The following ROBO1 variants were observed in gnomAD, a reference collection of about 807,000 sequenced individuals.
ROBO1 encodes roundabout guidance receptor 1, also known as roundabout homolog 1.
ROBO1 carries 149 observed loss-of-function variants against 195.9 expected under a neutral mutation model. The ratio of observed to expected loss-of-function variants is 0.76; its 90% CI spans 0.67 to 0.87. The LOEUF (loss-of-function observed/expected upper bound fraction) is 0.87. Ranked by LOEUF, ROBO1 falls within the 40% of genes least tolerant of loss-of-function variation. ROBO1 has a pLI of 0.00. For synonymous variants in ROBO1, 816 were observed against 733.2 expected, an observed-to-expected ratio of 1.11 and a Z score of -1.82; for missense variants, 1,933 against 2,068.3, an observed-to-expected ratio of 0.93 and a Z score of 1.27.
At chr3:79,011,689 T>C (rs999174750) in intron 3 of ROBO1, among the ~76,000 whole-genome samples, 5 of 148,938 alleles carry the variant, frequency 3.4e-5, no homozygotes, top group African/African-American at 1.2e-4. Flanking sequence ...ATATATATGT[T>C]TTTCATAATA....
At chr3:78,998,105 A>T (rs2077411183) in intron 3 of ROBO1, among the ~76,000 whole-genome samples, 1 of 152,290 alleles carries the variant, frequency 6.6e-6, no homozygotes, top group East Asian at 1.9e-4. Flanking sequence ...CACCTACTCC[A>T]TACCCCATGG....
At chr3:79,635,301 T>C (rs1945464633) in intron 1 of ROBO1, among the ~76,000 whole-genome samples, 1 of 152,198 alleles carries the variant, frequency 6.6e-6, no homozygotes, top group African/African-American at 2.4e-5. Flanking sequence ...TTCACAAATC[T>C]GGAAAGAAGC....
intron 23 of ROBO1, among the ~76,000 whole-genome samples, chr3:78,635,247 T>C (rs921393227): frequency 1.3e-5 from 2 of 152,164 alleles, no homozygotes; most frequent in African/African-American, 4.8e-5. Context: ...ACCAAGGAAA[T>C]TTAGGTTCTA....
chr3:79,365,635 A>C (rs887188071), intron 2 of ROBO1, among the ~76,000 whole-genome samples: 8 of 152,194 alleles, frequency 5.3e-5, no homozygotes, highest in Admixed American at 2.0e-4. Flanking sequence ...CGGTGGCTTA[A>C]GCCTGTAATC....
At chr3:78,933,295 G>A (rs1560015399) in intron 4 of ROBO1, among the ~76,000 whole-genome samples, 3 of 152,010 alleles carry the variant, frequency 2.0e-5, no homozygotes, top group African/African-American at 7.2e-5. Flanking sequence ...TGAAACGTAA[G>A]TTTCTATTTT....
At chr3:79,196,524 C>A (rs1042006495) in intron 2 of ROBO1, among the ~76,000 whole-genome samples, 1 of 151,702 alleles carries the variant, frequency 6.6e-6, no homozygotes, top group African/African-American at 2.4e-5. Context: ...TCACAGAGTT[C>A]TTCTCAAGAC....
chr3:79,201,849 G>T (rs927948473), intron 2 of ROBO1, among the ~76,000 whole-genome samples: 1 of 150,152 alleles, frequency 6.7e-6, no homozygotes, highest in Non-Finnish European at 1.5e-5. Context: ...ATTATTCATT[G>T]CATAGTATTA....
intron 2 of ROBO1, among the ~76,000 whole-genome samples, chr3:79,282,490 G>C (rs1184522689): frequency 6.6e-6 from 1 of 152,214 alleles, no homozygotes; most frequent in Non-Finnish European, 1.5e-5. Context: ...CAAGAGAAGT[G>C]ACAGGAGAAG....
chr3:78,632,429 C>G (rs1337603906), intron 24 of ROBO1, among the ~76,000 whole-genome samples: 1 of 152,168 alleles, frequency 6.6e-6, no homozygotes, highest in Non-Finnish European at 1.5e-5. Flanking sequence ...TCTCACTTCT[C>G]TCGTCCACCA....
intron 3 of ROBO1, among the ~76,000 whole-genome samples, chr3:79,105,238 T>A (rs1387749125): frequency 2.6e-5 from 4 of 151,662 alleles, no homozygotes; most frequent in Non-Finnish European, 1.5e-5. Context: ...ATGTAAAAAT[T>A]GACAAAGAAT....
intron 21 of ROBO1, among the ~76,000 whole-genome samples, chr3:78,641,884 T>C (rs145114430): frequency 7.4e-4 from 113 of 152,364 alleles, no homozygotes; most frequent in African/African-American, 2.5e-3. Context: ...AGCTGACTTA[T>C]CGATTTACAT....
intron 2 of ROBO1, among the ~76,000 whole-genome samples, chr3:79,506,687 C>A (rs550625551): frequency 6.6e-6 from 1 of 152,300 alleles, no homozygotes; most frequent in South Asian, 2.1e-4. Context: ...TCGTGATCCA[C>A]CCGCCTTGGC....
At position 79,736,200 on chromosome 3, in the gene ROBO1, A is replaced by G. The variant is rs1703379111; in HGVS notation, c.-51+31552T>C. Among the ~76,000 whole-genome samples the G allele has an allele frequency of 2.6e-5, 4 of 152,304 alleles. 1 individual carries two copies. Among genetic ancestry groups the G allele is most frequent in the South Asian group, 4.1e-4 (2 of 4,822 alleles). ...AAGCATTTCAGGTAGATAACAGAGT[A>G]ACTGCAAAGACTGAAGGTGTAACGG... On this transcript the variant is annotated intron_variant, in intron 1 of 30. Coordinates refer to ENST00000464233, the MANE Select transcript of ROBO1 (RefSeq NM_002941.4).
intron 4 of ROBO1, among the ~76,000 whole-genome samples, chr3:78,811,730 C>A (rs2084748354): frequency 6.6e-6 from 1 of 152,144 alleles, no homozygotes; most frequent in African/African-American, 2.4e-5. Context: ...AACTAGTATA[C>A]TGTGTCCGAC....
intron 2 of ROBO1, among the ~76,000 whole-genome samples, chr3:79,316,559 G>A (rs1202961232): frequency 2.0e-5 from 3 of 152,014 alleles, no homozygotes; most frequent in African/African-American, 7.2e-5. Flanking sequence ...ACTTTTGGAA[G>A]TTATTTTCTG....
At chr3:78,720,842 G>C (rs1178502951) in intron 5 of ROBO1, among the ~76,000 whole-genome samples, 3 of 150,274 alleles carry the variant, frequency 2.0e-5, no homozygotes, top group African/African-American at 7.4e-5. Flanking sequence ...AGTATCACAA[G>C]AACAAAAAAC....
intron 1 of ROBO1, among the ~76,000 whole-genome samples, chr3:79,743,674 C>A (rs1481616070): frequency 6.6e-6 from 1 of 152,212 alleles, no homozygotes; most frequent in East Asian, 1.9e-4. Context: ...TCTACAGCTA[C>A]ACAAAAATAT....
chr3:79,404,740 T>C (rs926618498), intron 2 of ROBO1, among the ~76,000 whole-genome samples: 9 of 152,212 alleles, frequency 5.9e-5, no homozygotes, highest in African/African-American at 2.2e-4. Context: ...GTTACTATAA[T>C]AATTTTATTG....
At chr3:79,090,228 G>A (rs536805152) in intron 3 of ROBO1, among the ~76,000 whole-genome samples, 2 of 152,204 alleles carry the variant, frequency 1.3e-5, no homozygotes, top group South Asian at 4.1e-4. Flanking sequence ...ATGAGCCACC[G>A]CTCCTGGCCC....
Sources: gnomAD v4.1 joint callset for allele counts (sites outside exome capture counted in the v4.1 genomes callset) on GRCh38, gnomAD v4.1.1 for gene constraint, MANE v1.5 for transcripts, NCBI Gene and HGNC (gene_info 2026-07-23, HGNC 2026-07-21) for gene names.